SUCLG1: variants seen among roughly 807,000 people sequenced by gnomAD.
The protein encoded by SUCLG1 is succinate--CoA ligase [ADP/GDP-forming] subunit alpha, mitochondrial.
SUCLG1 carries 26 observed loss-of-function variants against 37.3 expected under a neutral mutation model. The observed-to-expected ratio is 0.70, with a 90% CI of 0.51 to 0.97. SUCLG1 has a LOEUF of 0.97. Ranked by LOEUF, SUCLG1 falls within the 50% of genes least tolerant of loss-of-function variation. The pLI is 0.00. For missense variants in SUCLG1, 433 were observed against 432.9 expected (o/e 1.00, Z 0.00); for synonymous variants, 163 against 155.6 (o/e 1.05, Z -0.36).
rs930613806 is a variant in SUCLG1 at position 84,454,573 on chromosome 2, C to A, written c.97+4600G>T. Among the ~76,000 whole-genome samples, 12 of 152,142 alleles carry A rather than the reference C, an allele frequency of 7.9e-5. 1 individual carries two copies. The highest frequency in any genetic ancestry group is 2.9e-4 in the African/African-American group (12 of 41,410). ...CACAGGTGAACAAGACAGGCTCAGG[C>A]CCTACCCACATGAAGTTTCCTGCCC... On this transcript the variant is annotated intron_variant, in intron 1 of 8. Coordinates refer to ENST00000393868, the MANE Select transcript of SUCLG1 (RefSeq NM_003849.4).
At chr2:84,457,344 T>C (rs1673038242) in intron 1 of SUCLG1, among the ~76,000 whole-genome samples, 1 of 152,150 alleles carries the variant, frequency 6.6e-6, no homozygotes, top group South Asian at 2.1e-4. Context: ...ATAGAATACA[T>C]CTTGGTTTAA....
intron 5 of SUCLG1, chr2:84,433,772 AC>A: frequency 3.0e-6 from 1 of 329,348 alleles, no homozygotes; most frequent in South Asian, 2.9e-5. Context: ...TACTAATCAT[AC>A]CTACAGTGGC....
At chr2:84,451,889 T>C (rs752121215) in intron 1 of SUCLG1, among the ~76,000 whole-genome samples, 8 of 152,200 alleles carry the variant, frequency 5.3e-5, no homozygotes, top group African/African-American at 1.9e-4. Flanking sequence ...CAGACTATTA[T>C]CGTCTTACAG....
intron 1 of SUCLG1, among the ~76,000 whole-genome samples, chr2:84,452,633 A>G (rs555884349): frequency 5.3e-5 from 8 of 152,070 alleles, no homozygotes; most frequent in Admixed American, 2.0e-4. Flanking sequence ...ACATATTCTT[A>G]CTCTTTTCAT....
At chr2:84,435,690 G>A (rs1029344815) in intron 5 of SUCLG1, among the ~76,000 whole-genome samples, 2 of 152,308 alleles carry the variant, frequency 1.3e-5, no homozygotes, top group Middle Eastern at 3.4e-3. Context: ...AGAGCATGTA[G>A]CATGTACACA....
intron 1 of SUCLG1, among the ~76,000 whole-genome samples, chr2:84,454,646 T>C (rs545356451): frequency 6.6e-6 from 1 of 152,258 alleles, no homozygotes; most frequent in East Asian, 1.9e-4. Flanking sequence ...CTACCAACAG[T>C]ACAAACTGTA....
rs770233050 is a variant in SUCLG1 at position 84,458,700 on chromosome 2, T to G, written c.97+473A>C. 1.9e-5 allele frequency: 3 copies of G among 153,984 alleles called. No homozygotes were observed. The Admixed American group carries it at 2.0e-4, about 10-fold the overall frequency. 9.5% of individuals were successfully genotyped at this position (153,984 alleles called of 1,614,324 possible). The stretch of plus-strand genomic sequence containing the variant: ...GACATACAATCCTGCAGAGGGGGAA[T>G]TCGAAGTGCAGGACCTTTCCGTACT... On this transcript the variant is annotated intron_variant, in intron 1 of 8. Coordinates refer to ENST00000393868, the MANE Select transcript of SUCLG1 (RefSeq NM_003849.4).
chr2:84,444,637 G>A lies in SUCLG1; in HGVS notation c.202-1237C>T, dbSNP rs568746580. ...AGACAGGCTTTGAGAGCAGACAACC[G>A]GTCTGACCAAAAATTATTAGGCGGG... On this transcript the variant is annotated intron_variant, in intron 2 of 8. Transcript: ENST00000393868. 5.3e-5 allele frequency among the ~76,000 whole-genome samples: 8 copies of A among 152,172 alleles called. No individual in the cohort carries two copies. In the East Asian group the frequency reaches 9.6e-4, roughly 18 times the overall value.
intron 5 of SUCLG1, 27 bp from the exon 6 acceptor site, chr2:84,433,462 T>C: frequency 6.3e-7 from 1 of 1,594,782 alleles, no homozygotes; most frequent in South Asian, 1.1e-5. Context: ...TCAAAAATAT[T>C]AGATTGTGTT....
intron 3 of SUCLG1, among the ~76,000 whole-genome samples, chr2:84,442,049 C>A (rs1672781948): frequency 6.6e-6 from 1 of 151,732 alleles, no homozygotes. Context: ...TTTGTAAGAG[C>A]AGAACGGGTG....
At chr2:84,442,644 T>C (rs1672793007) in intron 3 of SUCLG1, among the ~76,000 whole-genome samples, 1 of 152,208 alleles carries the variant, frequency 6.6e-6, no homozygotes, top group African/African-American at 2.4e-5. Context: ...TACCTATCAG[T>C]TTTGTAACAA....
chr2:84,451,389 T>C (rs891580542), intron 1 of SUCLG1, among the ~76,000 whole-genome samples: 10 of 152,220 alleles, frequency 6.6e-5, no homozygotes, highest in Non-Finnish European at 5.9e-5. Flanking sequence ...CTTGTTAACA[T>C]AAAATACTTT....
chr2:84,429,095 T>C (rs1362320938), intron 7 of SUCLG1, among the ~76,000 whole-genome samples: 1 of 152,220 alleles, frequency 6.6e-6, no homozygotes, highest in Non-Finnish European at 1.5e-5. Context: ...ATCATGTTTA[T>C]CGAGTGTTTA....
chr2:84,424,410 C>T (rs562236504), intron 8 of SUCLG1, among the ~76,000 whole-genome samples: 2 of 152,214 alleles, frequency 1.3e-5, no homozygotes, highest in East Asian at 3.9e-4. Flanking sequence ...TGCTTTTCTC[C>T]TTACCCCACC....
In SUCLG1 at chr2:84,441,407, A is replaced by C; in HGVS notation, c.371T>G (p.Phe124Cys). The change falls in exon 4 of 9, where the codon TTT (phenylalanine) becomes TGT (cysteine). Residue 124 changes from phenylalanine (F) to cysteine (C), a missense_variant. Physicochemically the swap from Phe to Cys is radical, Grantham distance 205. Coordinates refer to ENST00000393868, the MANE Select transcript of SUCLG1 (RefSeq NM_003849.4). ...TASVIYVPPP[F>C]AAAAINEAIE... is the part of the protein sequence containing the mutation. ...AGCTTCATTAATGGCAGCAGCAGCAAAAGGCGGAGGAACATAAATGACAGA... is the reference window on the plus strand; with the variant it reads ...AGCTTCATTAATGGCAGCAGCAGCACAAGGCGGAGGAACATAAATGACAGA... 1 of 1,614,178 alleles carries C rather than the reference A, an allele frequency of 6.2e-7. No homozygotes were observed. Among genetic ancestry groups the C allele is most frequent in the East Asian group, 2.2e-5 (1 of 44,884 alleles).
In SUCLG1 at chr2:84,430,655, C is replaced by A. The variant is rs554479518; in HGVS notation, c.825+853G>T. ...GTATTATTTTATGTGGCATTTAATT[C>A]ATTCACTGGTGGATTTTTTTCATAC... On this transcript the variant is annotated intron_variant, in intron 7 of 8. Coordinates refer to ENST00000393868, the MANE Select transcript of SUCLG1 (RefSeq NM_003849.4). Among the ~76,000 whole-genome samples, 10 of 152,254 alleles carry A rather than the reference C, an allele frequency of 6.6e-5. No homozygotes were observed. The East Asian group carries it at 1.7e-3, about 26-fold the overall frequency.
chr2:84,440,303 G>T (rs1672748227), intron 5 of SUCLG1, among the ~76,000 whole-genome samples: 1 of 152,162 alleles, frequency 6.6e-6, no homozygotes, highest in African/African-American at 2.4e-5. Flanking sequence ...AACCTGGGAG[G>T]CGGAGGTGGG....
At position 84,428,612 on chromosome 2, in the gene SUCLG1, T is replaced by C. The variant is rs116008277; in HGVS notation, c.825+2896A>G. Among the ~76,000 whole-genome samples, 443 of 152,366 alleles carry C rather than the reference T, an allele frequency of 2.9e-3. 1 individual carries two copies. Among genetic ancestry groups the C allele is most frequent in the Non-Finnish European group, 3.4e-3 (232 of 68,032 alleles). On this transcript the variant is annotated intron_variant, in intron 7 of 8. Transcript: ENST00000393868. ...GATCAAGACTTTGTTGAGCCTAGAATGGCAAACAAATTTGCATCTGTCCCA... is the reference window on the plus strand; with the variant it reads ...GATCAAGACTTTGTTGAGCCTAGAACGGCAAACAAATTTGCATCTGTCCCA...
rs1026969600 is a variant in SUCLG1, at chr2:84,446,785, G to A, written c.201+2864C>T. On this transcript the variant is annotated intron_variant, in intron 2 of 8. Transcript: ENST00000393868. ...GCAATTTAAAAAAGTAAAAATGTTT[G>A]TATGACATTGCTACAGCTTTTACTG... 2.6e-5 allele frequency among the ~76,000 whole-genome samples: 4 copies of A among 152,186 alleles called. No individual in the cohort carries two copies. In the South Asian group the frequency reaches 6.2e-4, roughly 24 times the overall value.
Sources: gnomAD v4.1 joint callset for allele counts (sites outside exome capture counted in the v4.1 genomes callset) on GRCh38, gnomAD v4.1.1 for gene constraint, MANE v1.5 for transcripts, NCBI Gene and HGNC (gene_info 2026-07-23, HGNC 2026-07-21) for gene names.